PACSIN1: variants seen among roughly 807,000 people sequenced by gnomAD.
The protein encoded by PACSIN1 is protein kinase C and casein kinase substrate in neurons 1.
Under a neutral mutation model 59.5 loss-of-function variants are expected in PACSIN1, and 15 were observed. The ratio of observed to expected loss-of-function variants is 0.25; its 90% CI spans 0.17 to 0.39. The LOEUF (loss-of-function observed/expected upper bound fraction) is 0.39, where lower values mean the gene tolerates loss of function less well. PACSIN1 is among the 10% of genes least tolerant of loss of function. PACSIN1 has a pLI of 1.00. For missense variants in PACSIN1, 420 were observed against 580.2 expected, an observed-to-expected ratio of 0.72 and a Z score of 2.84; for synonymous variants, 210 against 220.6, an observed-to-expected ratio of 0.95 and a Z score of 0.42.
intron 1 of PACSIN1, among the ~76,000 whole-genome samples, chr6:34,502,791 C>T (rs6926825): frequency 6.6e-5 from 10 of 152,112 alleles, no homozygotes; most frequent in African/African-American, 2.2e-4. Context: ...GACATTTTAG[C>T]CCCAGCTGAG....
rs895248379 is a variant in PACSIN1 at position 34,514,061 on chromosome 6, C to T, written c.-63-12182C>T. ...TATGCTGATATTAGTGTCACAGTTA[C>T]GTGTGTGTGTGTTATAGGTGCACTG... On this transcript the variant is annotated intron_variant, in intron 1 of 9. Transcript: ENST00000244458. The surrounding 1 kb of genome is among the most constrained non-coding windows in gnomAD (Gnocchi z 4.4). 2.0e-4 allele frequency among the ~76,000 whole-genome samples: 30 copies of T among 152,216 alleles called. No homozygotes were observed. Among genetic ancestry groups the T allele is most frequent in the African/African-American group, 7.0e-4 (29 of 41,518 alleles).
intron 1 of PACSIN1, among the ~76,000 whole-genome samples, chr6:34,489,075 G>C (rs982275833): frequency 2.6e-5 from 4 of 151,956 alleles, no homozygotes; most frequent in Admixed American, 6.6e-5. Flanking sequence ...CAGCTACTTG[G>C]GGGGCTGAGG....
rs758595667 is a variant in PACSIN1 at position 34,531,753 on chromosome 6, C to T, written c.1191C>T (p.Asp397=). Reference sequence around the variant, plus strand: ...GCGTGCGGGCACTCTACGACTATGACGGCCAGGAGCAGGACGAGCTCAGCT... The same window carrying T: ...GCGTGCGGGCACTCTACGACTATGATGGCCAGGAGCAGGACGAGCTCAGCT... The part of the protein sequence containing the change: ...GVRVRALYDY[D]GQEQDELSFK... The change falls in exon 9 of 10, where the codon GAC becomes GAT. Residue 397 remains aspartate, a synonymous_variant. Coordinates refer to ENST00000244458, the MANE Select transcript of PACSIN1 (RefSeq NM_020804.5). This position sits in a 1 kb window ranked among gnomAD's most constrained non-coding sequence, Gnocchi z 4.4. 1.4e-5 allele frequency: 22 copies of T among 1,585,334 alleles called. No homozygotes were observed. The highest frequency in any genetic ancestry group is 1.8e-5 in the Non-Finnish European group (21 of 1,163,494).
chr6:34,499,303 G>C (rs1017374063), intron 1 of PACSIN1, among the ~76,000 whole-genome samples: 1 of 151,660 alleles, frequency 6.6e-6, no homozygotes, highest in Non-Finnish European at 1.5e-5. Flanking sequence ...ATGTGAGTGA[G>C]GGGGAGTGGC....
chr6:34,502,370 CAG>C (rs1322473840), intron 1 of PACSIN1, among the ~76,000 whole-genome samples: 1 of 151,376 alleles, frequency 6.6e-6, no homozygotes, highest in Non-Finnish European at 1.5e-5. Context: ...CAGAGGGAAA[CAG>C]GGGAAGGGAC....
chr6:34,526,146 C>T, intron 1 of PACSIN1, 97 bp from the exon 2 acceptor site: 1 of 608,432 alleles, frequency 1.6e-6, no homozygotes, highest in South Asian at 2.0e-5. Context: ...ATGCAAGCCT[C>T]CCTGGGTCCC....
intron 1 of PACSIN1, among the ~76,000 whole-genome samples, chr6:34,505,336 G>T (rs1767092299): frequency 6.6e-6 from 1 of 152,034 alleles, no homozygotes; most frequent in Non-Finnish European, 1.5e-5. Context: ...GGTTTTACCT[G>T]TCTGGAGTTC....
In PACSIN1 at chr6:34,520,538, T is replaced by C. The variant is rs1767370887; in HGVS notation, c.-63-5705T>C. On this transcript the variant is annotated intron_variant, in intron 1 of 9. Coordinates refer to ENST00000244458, the MANE Select transcript of PACSIN1 (RefSeq NM_020804.5). The stretch of plus-strand genomic sequence containing the variant: ...GCTGTGTGACCTTGGACAAGTTATC[T>C]AACTTCTCTGAGTCTCAGGTACTCA... 5.9e-5 allele frequency among the ~76,000 whole-genome samples: 9 copies of C among 152,194 alleles called. 1 individual carries two copies. The highest frequency in any genetic ancestry group is 5.2e-4 in the Admixed American group (8 of 15,288).
At chr6:34,497,775 G>A (rs1483719214) in intron 1 of PACSIN1, among the ~76,000 whole-genome samples, 1 of 152,150 alleles carries the variant, frequency 6.6e-6, no homozygotes, top group African/African-American at 2.4e-5. Flanking sequence ...ATGGTGCTGG[G>A]AGGCCCATTT....
At chr6:34,527,824 A>G (rs1013874308) in intron 3 of PACSIN1, 4 of 194,996 alleles carry the variant, frequency 2.1e-5, no homozygotes, top group African/African-American at 9.3e-5. Flanking sequence ...TGATATGCAT[A>G]TTTTCTGAAC....
At chr6:34,519,752 C>T (rs1297218166) in intron 1 of PACSIN1, among the ~76,000 whole-genome samples, 1 of 152,130 alleles carries the variant, frequency 6.6e-6, no homozygotes, top group Non-Finnish European at 1.5e-5. Context: ...CTATCATCAC[C>T]TCCTTTTGCA....
Position 34,470,474 on chromosome 6 carries a change from T to C in PACSIN1, c.-64+4204T>C, listed in dbSNP as rs562547571. 2.8e-3 allele frequency among the ~76,000 whole-genome samples: 424 copies of C among 152,188 alleles called. 4 individuals are homozygous for C. The highest frequency in any genetic ancestry group is 9.7e-3 in the African/African-American group (402 of 41,502). On this transcript the variant is annotated intron_variant, in intron 1 of 9. Coordinates refer to ENST00000244458, the MANE Select transcript of PACSIN1 (RefSeq NM_020804.5). ...GATTACAGGTGTGAGCCACCGCACC[T>C]GGCCTACCTTGGCTATTATTTTAAA...
At position 34,521,895 on chromosome 6, in the gene PACSIN1, A is replaced by G. The variant is rs1767399094; in HGVS notation, c.-63-4348A>G. On this transcript the variant is annotated intron_variant, in intron 1 of 9. Transcript: ENST00000244458. This position sits in a 1 kb window ranked among gnomAD's most constrained non-coding sequence, Gnocchi z 4.3. ...CCACACACGGTCTCACAGCCCATAC[A>G]TGAGAGAGCCAGGGTTTGAATCCAG... Among the ~76,000 whole-genome samples, 1 of 152,126 alleles carries G rather than the reference A, an allele frequency of 6.6e-6. No homozygotes were observed. The highest frequency in any genetic ancestry group is 1.5e-5 in the Non-Finnish European group (1 of 68,008).
At chr6:34,483,469 C>G (rs1056000344) in intron 1 of PACSIN1, among the ~76,000 whole-genome samples, 1 of 152,030 alleles carries the variant, frequency 6.6e-6, no homozygotes, top group Admixed American at 6.6e-5. Context: ...GCCACGTAGC[C>G]GGTGGGCACC....
intron 1 of PACSIN1, among the ~76,000 whole-genome samples, chr6:34,510,813 G>C (rs1010264741): frequency 5.9e-5 from 9 of 152,122 alleles, no homozygotes; most frequent in Non-Finnish European, 1.2e-4. Context: ...CCTGGGTTCA[G>C]GCAATTCTCC....
intron 1 of PACSIN1, among the ~76,000 whole-genome samples, 172 bp from the exon 2 acceptor site, chr6:34,526,071 C>A (rs888880840): frequency 2.6e-5 from 4 of 151,938 alleles, no homozygotes; most frequent in African/African-American, 4.8e-5. Context: ...GAGGGTGCTA[C>A]AGGGCGACTC....
In PACSIN1 at chr6:34,514,112, A is replaced by G. The variant is rs887123579; in HGVS notation, c.-63-12131A>G. ...TAGGAAGATACACAGACTTGTGGAA[A>G]TGCATGTGTGCAAATATATGTAATG... is the stretch of plus-strand genomic sequence containing the variant. On this transcript the variant is annotated intron_variant, in intron 1 of 9. Transcript: ENST00000244458. The surrounding 1 kb of genome is among the most constrained non-coding windows in gnomAD (Gnocchi z 4.4). 3.3e-5 allele frequency among the ~76,000 whole-genome samples: 5 copies of G among 152,220 alleles called. No individual in the cohort carries two copies. The highest frequency in any genetic ancestry group is 4.8e-5 in the African/African-American group (2 of 41,450).
chr6:34,516,261 C>T lies in PACSIN1; in HGVS notation c.-63-9982C>T, dbSNP rs548234879. ...GGAGGGGTCACATGATGGGTAGGGGCATACACGCTGAGAAGCTGGCGTGGC... is the reference window on the plus strand; with the variant it reads ...GGAGGGGTCACATGATGGGTAGGGGTATACACGCTGAGAAGCTGGCGTGGC... On this transcript the variant is annotated intron_variant, in intron 1 of 9. Transcript: ENST00000244458. The surrounding 1 kb of genome is among the most constrained non-coding windows in gnomAD (Gnocchi z 5.4). Among the ~76,000 whole-genome samples, 2 of 152,120 alleles carry T rather than the reference C, an allele frequency of 1.3e-5. No individual in the cohort carries two copies. Among genetic ancestry groups the T allele is most frequent in the Non-Finnish European group, 2.9e-5 (2 of 67,998 alleles).
chr6:34,476,628 G>T (rs932779529), intron 1 of PACSIN1, among the ~76,000 whole-genome samples: 3 of 152,174 alleles, frequency 2.0e-5, no homozygotes, highest in Non-Finnish European at 2.9e-5. Flanking sequence ...TGCCTCTGCC[G>T]CCTTGCCAGC....
Sources: gnomAD v4.1 joint callset for allele counts (sites outside exome capture counted in the v4.1 genomes callset) on GRCh38, gnomAD v4.1.1 for gene constraint, Gnocchi (gnomAD v3.1) non-coding constraint, MANE v1.5 for transcripts, NCBI Gene and HGNC (gene_info 2026-07-23, HGNC 2026-07-21) for gene names.